SYNE1: variants seen among roughly 807,000 people sequenced by gnomAD.
SYNE1 encodes spectrin repeat containing nuclear envelope protein 1.
SYNE1 carries 616 observed loss-of-function variants against 1,111.0 expected under a neutral mutation model. The observed-to-expected ratio is 0.55, with a 90% CI of 0.52 to 0.59. SYNE1 has a LOEUF of 0.59. SYNE1 is among the 20% of genes least tolerant of loss of function. SYNE1 has a pLI of 0.00. For missense variants in SYNE1, 10,006 were observed against 10,417.0 expected (o/e 0.96, Z 1.72); for synonymous variants, 3,855 against 3,825.8 (o/e 1.01, Z -0.28).
chr6:152,351,746 G>A (rs1412106466), intron 70 of SYNE1, among the ~76,000 whole-genome samples: 1 of 152,164 alleles, frequency 6.6e-6, no homozygotes, highest in Non-Finnish European at 1.5e-5. Flanking sequence ...CCTGGCTCAC[G>A]CATCAGAAAA....
At chr6:152,380,794 C>G (rs763673745) in intron 56 of SYNE1, among the ~76,000 whole-genome samples, 1 of 151,998 alleles carries the variant, frequency 6.6e-6, no homozygotes, top group Non-Finnish European at 1.5e-5. Flanking sequence ...TGTTTCCTAC[C>G]GCAAATAATA....
At chr6:152,328,371 C>CTTATTTTATT (rs200860426) in intron 78 of SYNE1, among the ~76,000 whole-genome samples, 3 of 142,774 alleles carry the variant, frequency 2.1e-5, no homozygotes, top group Non-Finnish European at 3.0e-5. Context: ...TTTTTCTCTT[C>CTTATTTTATT]TTATTTTATT....
chr6:152,510,082 A>G, intron 8 of SYNE1, 111 bp downstream of exon 8: 2 of 1,104,858 alleles, frequency 1.8e-6, no homozygotes, highest in Non-Finnish European at 2.8e-6. Context: ...GCTAAAGCAA[A>G]GCCATTCATT....
intron 137 of SYNE1, 110 bp from the exon 138 acceptor site, chr6:152,143,875 T>C (rs986800268): frequency 1.4e-5 from 21 of 1,508,448 alleles, no homozygotes; most frequent in Non-Finnish European, 1.9e-5. Context: ...AGCATAGAAA[T>C]GGCAGGTGTG....
At chr6:152,136,010 T>C (rs1168750340) in intron 141 of SYNE1, among the ~76,000 whole-genome samples, 3 of 152,230 alleles carry the variant, frequency 2.0e-5, no homozygotes, top group Non-Finnish European at 4.4e-5. Flanking sequence ...ATTACCTTCA[T>C]AGCAACATCC....
At chr6:152,196,376 G>T (rs1371914250) in intron 127 of SYNE1, among the ~76,000 whole-genome samples, 2 of 151,978 alleles carry the variant, frequency 1.3e-5, no homozygotes, top group Admixed American at 6.5e-5. Flanking sequence ...CCGCAGCTGT[G>T]AATGTGCTAG....
In SYNE1 at chr6:152,558,980, A is replaced by T. The variant is rs573590484; in HGVS notation, c.68-18959T>A. On this transcript the variant is annotated intron_variant, in intron 3 of 145. Transcript: ENST00000367255. The stretch of plus-strand genomic sequence containing the variant: ...ACAAGTCTTAACATATTTAATTTTT[A>T]TTTATTTATTTATTTATTTATTTAT... 4.3e-3 allele frequency among the ~76,000 whole-genome samples: 311 copies of T among 72,950 alleles called. 1 individual carries two copies. Among genetic ancestry groups the T allele is most frequent in the African/African-American group, 0.016 (255 of 16,278 alleles). The allele number at this position is 72,950 out of a possible 152,430, so 47.9% of individuals were successfully genotyped here.
intron 111 of SYNE1, among the ~76,000 whole-genome samples, chr6:152,234,359 A>G (rs571965261): frequency 6.6e-6 from 1 of 152,230 alleles, no homozygotes; most frequent in African/African-American, 2.4e-5. Flanking sequence ...CAGTGGCACA[A>G]TCTCAGCTCG....
At chr6:152,502,862 C>CT (rs2099037311) in intron 9 of SYNE1, 120 bp from the exon 10 acceptor site, 1 of 792,368 alleles carries the variant, frequency 1.3e-6, no homozygotes, top group Non-Finnish European at 2.1e-6. Flanking sequence ...AACAGAAGTA[C>CT]TATTTAGAAT....
rs530657563 is a variant in SYNE1, at chr6:152,439,682, C to G, written c.4149+1448G>C. On this transcript the variant is annotated intron_variant, in intron 32 of 145. Transcript: ENST00000367255. ...ATTAGCAGTATGGGAGAGAGTGAAG[C>G]CTTTTGCAGGTAAGAAAACAGAAAC... Among the ~76,000 whole-genome samples the G allele has an allele frequency of 3.2e-3, 482 of 152,186 alleles. 1 individual carries two copies. Among genetic ancestry groups the G allele is most frequent in the Non-Finnish European group, 5.9e-3 (402 of 68,008 alleles).
intron 56 of SYNE1, among the ~76,000 whole-genome samples, chr6:152,379,503 C>A (rs1412593699): frequency 6.6e-6 from 1 of 151,992 alleles, no homozygotes; most frequent in Non-Finnish European, 1.5e-5. Context: ...ATGACAAGTC[C>A]TCCCTAAAAG....
Position 152,450,701 on chromosome 6 carries a change from C to G in SYNE1, c.3319G>C (p.Glu1107Gln). The change falls in exon 27 of 146, where the codon GAG (glutamate) becomes CAG (glutamine). Residue 1107 changes from glutamate (E) to glutamine (Q), a missense_variant. Around this residue, in one of 7 missense-constraint regions of SYNE1, gnomAD observed 1,971 missense variants for 2,084.1 expected, o/e 0.95. Coordinates refer to ENST00000367255, the MANE Select transcript of SYNE1 (RefSeq NM_182961.4). ...GTGCTGTCAATGGCAGCTCTGAGCTCTTTGAGAGTCACGTGACAGGTTCCA... is the reference window on the plus strand; with the variant it reads ...GTGCTGTCAATGGCAGCTCTGAGCTGTTTGAGAGTCACGTGACAGGTTCCA... ...TPGTCHVTLKELRAAIDSTYR... is the reference protein window; with the variant it reads ...TPGTCHVTLKQLRAAIDSTYR... 2 of 1,614,104 alleles carry G rather than the reference C, an allele frequency of 1.2e-6. No individual in the cohort carries two copies. The highest frequency in any genetic ancestry group is 1.7e-6 in the Non-Finnish European group (2 of 1,180,018).
intron 28 of SYNE1, among the ~76,000 whole-genome samples, chr6:152,448,319 G>A (rs1199661500): frequency 6.6e-6 from 1 of 152,166 alleles, no homozygotes; most frequent in Non-Finnish European, 1.5e-5. Flanking sequence ...GCAGTTCTGG[G>A]GTGGCTCAAG....
intron 56 of SYNE1, among the ~76,000 whole-genome samples, chr6:152,377,972 T>C (rs1563524135): frequency 6.6e-6 from 1 of 151,996 alleles, no homozygotes; most frequent in Non-Finnish European, 1.5e-5. Flanking sequence ...CAATCCAAAA[T>C]AAAGCCTTAG....
In SYNE1 at chr6:152,433,912, C is replaced by T; in HGVS notation, c.4344G>A (p.Trp1448Ter). 6.2e-7 allele frequency: 1 copy of T among 1,613,532 alleles called. No homozygotes were observed. Among genetic ancestry groups the T allele is most frequent in the Non-Finnish European group, 8.5e-7 (1 of 1,179,726 alleles). ...IKTMEMVKTK[W>*]DHFGSNFETL... Reference sequence around the variant, plus strand: ...TCTCAAAATTACTGCCAAAATGATCCCACTTGGTTTTCACCATTTCCATGG... The same window carrying T: ...TCTCAAAATTACTGCCAAAATGATCTCACTTGGTTTTCACCATTTCCATGG... Residue 1448 changes from tryptophan (W) to a stop codon, truncating the protein, a stop_gained, in exon 34 of 146, where the codon TGG becomes TGA. Transcript: ENST00000367255. LOFTEE classifies it high-confidence loss of function.
chr6:152,382,868 CATT>C (rs1017273549), intron 55 of SYNE1, among the ~76,000 whole-genome samples: 3 of 152,210 alleles, frequency 2.0e-5, no homozygotes, highest in African/African-American at 7.2e-5. Flanking sequence ...AGGACATCAT[CATT>C]GTCAAGAGTT....
chr6:152,144,676 G>A (rs928969415), intron 137 of SYNE1: 42 of 152,428 alleles, frequency 2.8e-4, no homozygotes, highest in Non-Finnish European at 4.4e-5. Context: ...TCTCAGTAAT[G>A]TTACTTTGCT....
chr6:152,182,096 A>AT (rs1317670081), intron 128 of SYNE1, among the ~76,000 whole-genome samples: 2 of 152,122 alleles, frequency 1.3e-5, no homozygotes, highest in Non-Finnish European at 2.9e-5. Context: ...TTTTAATTAG[A>AT]TTGCCTTTTT....
rs1012732111 is a variant in SYNE1, at chr6:152,453,312, T to C, written c.3027+274A>G. ...TGAAATGTTGCTAGAATAAGTTAAA[T>C]GTTCTTGCACCCTGGATTAAAAAAA... On this transcript the variant is annotated intron_variant, in intron 25 of 145. Coordinates refer to ENST00000367255, the MANE Select transcript of SYNE1 (RefSeq NM_182961.4). 3.0e-5 allele frequency: 18 copies of C among 595,682 alleles called. No individual in the cohort carries two copies. The African/African-American group carries it at 3.1e-4, about 10-fold the overall frequency. 36.9% of individuals were successfully genotyped at this position (595,682 alleles called of 1,614,324 possible). A position where few individuals can be genotyped will look rare whatever the true frequency, so the allele number is the denominator to read the frequency against.
Sources: allele counts gnomAD v4.1 joint callset (sites outside exome capture counted in the v4.1 genomes callset), GRCh38; gene constraint gnomAD v4.1.1; regional missense constraint gnomAD v4.1.1; transcripts MANE v1.5; gene names NCBI Gene and HGNC (gene_info 2026-07-23, HGNC 2026-07-21).